DSCAML1: variants seen among roughly 807,000 people sequenced by gnomAD.
DSCAML1 encodes the protein cell adhesion molecule DSCAML1.
Under a neutral mutation model 200.5 loss-of-function variants are expected in DSCAML1, and 38 were observed. The observed-to-expected ratio is 0.19, with a 90% CI of 0.15 to 0.25. DSCAML1 has a LOEUF of 0.25. Ranked by LOEUF, DSCAML1 falls within the 10% of genes least tolerant of loss-of-function variation. The pLI is 1.00. For missense variants in DSCAML1, 2,223 were observed against 2,858.8 expected (o/e 0.78, Z 5.07); for synonymous variants, 1,215 against 1,165.0 (o/e 1.04, Z -0.87).
intron 1 of DSCAML1, among the ~76,000 whole-genome samples, chr11:117,802,438 G>C (rs2055669586): frequency 6.6e-6 from 1 of 152,214 alleles, no homozygotes; most frequent in Non-Finnish European, 1.5e-5. Context: ...CCCTAGCCTG[G>C]TGCCTCCTGG....
intron 3 of DSCAML1, among the ~76,000 whole-genome samples, chr11:117,757,822 C>G (rs2054722913): frequency 6.6e-6 from 1 of 152,046 alleles, no homozygotes; most frequent in South Asian, 2.1e-4. Context: ...CAAACCCTGT[C>G]TCTACCAAAA....
intron 3 of DSCAML1, among the ~76,000 whole-genome samples, chr11:117,673,525 C>G (rs2053152355): frequency 6.6e-6 from 1 of 152,194 alleles, no homozygotes; most frequent in East Asian, 1.9e-4. Context: ...CCCCATTTTC[C>G]CATCCTCTGC....
intron 3 of DSCAML1, among the ~76,000 whole-genome samples, chr11:117,621,165 T>G (rs529412288): frequency 9.9e-5 from 15 of 152,238 alleles, no homozygotes; most frequent in Non-Finnish European, 1.2e-4. Context: ...CATTTAGAAG[T>G]CTTTGCTGAA....
At chr11:117,521,620 C>T (rs891810219) in intron 5 of DSCAML1, among the ~76,000 whole-genome samples, 13 of 152,210 alleles carry the variant, frequency 8.5e-5, no homozygotes, top group Admixed American at 2.6e-4. Flanking sequence ...TGAGGGATCT[C>T]TGGGTATTTG....
In DSCAML1 at chr11:117,525,103, G is replaced by A. The variant is rs746922601; in HGVS notation, c.659-20C>T. On this transcript the variant is annotated intron_variant, in intron 4 of 32. Coordinates refer to ENST00000651296, the MANE Select transcript of DSCAML1 (RefSeq NM_020693.4). ...CAGGGTCTGGAAGGCAGAGAGGGTCGGCAGCCCTGGCCAGCCCTGGGTGGG... is the reference window on the plus strand; with the variant it reads ...CAGGGTCTGGAAGGCAGAGAGGGTCAGCAGCCCTGGCCAGCCCTGGGTGGG... 6.6e-6 allele frequency: 10 copies of A among 1,516,408 alleles called. No individual in the cohort carries two copies. The highest frequency in any genetic ancestry group is 1.4e-5 in the African/African-American group (1 of 71,650). The allele number at this position is 1,516,408 out of a possible 1,614,324, so 93.9% of individuals were successfully genotyped here. A position where few individuals can be genotyped will look rare whatever the true frequency, so the allele number is the denominator to read the frequency against.
Position 117,433,163 on chromosome 11 carries a change from C to T in DSCAML1, c.5001G>A (p.Glu1667=), listed in dbSNP as rs1300540976. ...CCAGTTGCTTGATGCCTTCTTTGTC[C>T]TCGATGAGCAGCTGGACCCTGGGGA... ...IDIPRVQLLI[E]DKEGIKQLGD... is the part of the protein sequence containing the mutation. The change falls in exon 29 of 33, where the codon GAG becomes GAA. Residue 1667 remains glutamate (E), a synonymous_variant. Coordinates refer to ENST00000651296, the MANE Select transcript of DSCAML1 (RefSeq NM_020693.4). The T allele has an allele frequency of 5.6e-6, 9 of 1,613,874 alleles. No individual in the cohort carries two copies. Among genetic ancestry groups the T allele is most frequent in the Non-Finnish European group, 7.6e-6 (9 of 1,179,942 alleles).
intron 11 of DSCAML1, among the ~76,000 whole-genome samples, chr11:117,488,540 G>GACAC (rs34469901): frequency 0.15 from 22,001 of 150,998 alleles, 1,902 homozygotes; most frequent in African/African-American, 0.25. Context: ...CACAGACACA[G>GACAC]ACACACACAC....
At chr11:117,432,919 T>C (rs2137063538) in intron 29 of DSCAML1, among the ~76,000 whole-genome samples, 1 of 152,208 alleles carries the variant, frequency 6.6e-6, no homozygotes, top group South Asian at 2.1e-4. Context: ...CTTTATCCAA[T>C]GTTGAGTCAC....
At chr11:117,659,768 G>A (rs1042741832) in intron 3 of DSCAML1, among the ~76,000 whole-genome samples, 4 of 151,934 alleles carry the variant, frequency 2.6e-5, no homozygotes, top group Admixed American at 2.6e-4. Context: ...GCCCAGGCTG[G>A]AGTGCAGTGG....
intron 3 of DSCAML1, among the ~76,000 whole-genome samples, chr11:117,539,606 C>CAAAAA (rs35130897): frequency 0.013 from 661 of 52,578 alleles, 11 homozygotes; most frequent in Non-Finnish European, 0.017. Flanking sequence ...AAAACTCTGT[C>CAAAAA]AAAAAAAAAA....
At chr11:117,745,551 C>A (rs917609560) in intron 3 of DSCAML1, among the ~76,000 whole-genome samples, 13 of 152,282 alleles carry the variant, frequency 8.5e-5, no homozygotes, top group African/African-American at 3.1e-4. Context: ...CTACAGCATG[C>A]CCTGTTCACT....
chr11:117,501,783 G>A (rs58170699), intron 11 of DSCAML1, among the ~76,000 whole-genome samples: 1,565 of 152,214 alleles, frequency 0.01, 26 homozygotes, highest in African/African-American at 0.034. Context: ...GTGACCCCGA[G>A]GTGTGGAGAG....
chr11:117,476,595 A>G (rs931327680), intron 14 of DSCAML1, among the ~76,000 whole-genome samples: 6 of 152,184 alleles, frequency 3.9e-5, no homozygotes, highest in East Asian at 1.9e-4. Context: ...GCCATCCTCA[A>G]AGAACCCATC....
chr11:117,737,463 G>A (rs1051034764), intron 3 of DSCAML1, among the ~76,000 whole-genome samples: 1 of 152,200 alleles, frequency 6.6e-6, no homozygotes. Flanking sequence ...TCAGCGACCA[G>A]TGCACCCAAA....
chr11:117,707,484 T>C (rs954242816), intron 3 of DSCAML1, among the ~76,000 whole-genome samples: 1 of 152,186 alleles, frequency 6.6e-6, no homozygotes, highest in Non-Finnish European at 1.5e-5. Flanking sequence ...CACTCCAAAA[T>C]GCTGCTGGAG....
intron 3 of DSCAML1, among the ~76,000 whole-genome samples, chr11:117,552,724 A>T (rs1297489447): frequency 6.6e-6 from 1 of 152,216 alleles, no homozygotes; most frequent in Admixed American, 6.5e-5. Context: ...AGGTTCAGCT[A>T]GGTGAAGTGT....
At chr11:117,459,291 GAGGTC>G (rs1464712989) in intron 18 of DSCAML1, among the ~76,000 whole-genome samples, 1 of 152,230 alleles carries the variant, frequency 6.6e-6, no homozygotes, top group Non-Finnish European at 1.5e-5. Context: ...CTGGATGGAG[GAGGTC>G]CCGTGCAGGA....
intron 32 of DSCAML1, among the ~76,000 whole-genome samples, chr11:117,429,828 C>T (rs2047748175): frequency 6.6e-6 from 1 of 152,232 alleles, no homozygotes; most frequent in Non-Finnish European, 1.5e-5. Flanking sequence ...ATTGAATCCT[C>T]ACGACAGCCC....
chr11:117,762,568 T>TTA (rs1297696505), intron 3 of DSCAML1, among the ~76,000 whole-genome samples: 2 of 152,082 alleles, frequency 1.3e-5, no homozygotes, highest in African/African-American at 2.4e-5. Context: ...GAATCAAATT[T>TTA]TATATATATA....
Sources: gnomAD v4.1 joint callset for allele counts (sites outside exome capture counted in the v4.1 genomes callset) on GRCh38, gnomAD v4.1.1 for gene constraint, MANE v1.5 for transcripts, NCBI Gene and HGNC (gene_info 2026-07-23, HGNC 2026-07-21) for gene names.